DPY19L3: variants seen among roughly 807,000 people sequenced by gnomAD.
DPY19L3 encodes protein C-mannosyl-transferase DPY19L3.
In DPY19L3, 51 loss-of-function variants were observed where a neutral mutation model predicts 92.3. That is an observed-to-expected ratio of 0.55 (90% CI 0.44 to 0.70). DPY19L3 has a LOEUF of 0.70. Ranked by LOEUF, DPY19L3 falls within the 30% of genes least tolerant of loss-of-function variation. DPY19L3 has a pLI of 0.00. For missense variants in DPY19L3, 706 were observed against 855.9 expected, an observed-to-expected ratio of 0.82 and a Z score of 2.18; for synonymous variants, 309 against 315.2, an observed-to-expected ratio of 0.98 and a Z score of 0.21.
At chr19:32,465,014 A>G (rs988498930) in intron 15 of DPY19L3, among the ~76,000 whole-genome samples, 3 of 152,250 alleles carry the variant, frequency 2.0e-5, no homozygotes, top group African/African-American at 7.2e-5. Flanking sequence ...AATAATTCTA[A>G]TTAATTTTGA....
intron 8 of DPY19L3, among the ~76,000 whole-genome samples, chr19:32,445,545 A>G (rs1280009985): frequency 6.6e-6 from 1 of 151,920 alleles, no homozygotes; most frequent in East Asian, 1.9e-4. Flanking sequence ...AAGGAAACTA[A>G]TATTGCCAGC....
intron 2 of DPY19L3, among the ~76,000 whole-genome samples, chr19:32,410,099 A>G (rs1270385763): frequency 1.3e-5 from 2 of 152,234 alleles, no homozygotes; most frequent in African/African-American, 2.4e-5. Flanking sequence ...CCAAAACAGT[A>G]TTAGCATTTT....
At chr19:32,450,996 C>G (rs1207289564) in intron 8 of DPY19L3, among the ~76,000 whole-genome samples, 1 of 152,190 alleles carries the variant, frequency 6.6e-6, no homozygotes, top group Admixed American at 6.5e-5. Flanking sequence ...TGCCGCTCTT[C>G]TAGTGTGTAT....
intron 3 of DPY19L3, among the ~76,000 whole-genome samples, chr19:32,417,029 G>C (rs568229038): frequency 1.7e-4 from 26 of 152,246 alleles, no homozygotes; most frequent in African/African-American, 6.3e-4. Context: ...TTTCAGATGA[G>C]GTCTGAAGAA....
intron 7 of DPY19L3, 99 bp from the exon 8 acceptor site, chr19:32,439,677 T>A: frequency 8.1e-7 from 1 of 1,240,034 alleles, no homozygotes; most frequent in Non-Finnish European, 1.1e-6. Context: ...GGTTTTTCTG[T>A]TTGGTTTATA....
chr19:32,414,195 C>T (rs1049894928), intron 3 of DPY19L3, among the ~76,000 whole-genome samples: 5 of 151,878 alleles, frequency 3.3e-5, no homozygotes, highest in Non-Finnish European at 7.4e-5. Flanking sequence ...CCGTGGCGGG[C>T]GGATCACGAG....
At chr19:32,424,534 A>G (rs1190316842) in intron 3 of DPY19L3, among the ~76,000 whole-genome samples, 2 of 151,694 alleles carry the variant, frequency 1.3e-5, no homozygotes, top group African/African-American at 2.4e-5. Flanking sequence ...AGAGGGTGCA[A>G]TGGGATGATC....
Position 32,464,280 on chromosome 19 carries a change from G to C in DPY19L3, c.1557+300G>C, listed in dbSNP as rs150904910. Among the ~76,000 whole-genome samples the C allele has an allele frequency of 4.6e-3, 705 of 152,064 alleles. 1 individual carries two copies. The highest frequency in any genetic ancestry group is 0.01 in the Middle Eastern group (3 of 294). On this transcript the variant is annotated intron_variant, in intron 14 of 18. Transcript: ENST00000392250. ...AATCCCCTTGTCCGGAATTATAACT[G>C]TTGTTATTATAATGTATTTTCATAA...
chr19:32,463,488 G>C lies in DPY19L3; in HGVS notation c.1445G>C (p.Arg482Thr), dbSNP rs1279110048. 1 of 1,610,580 alleles carries C rather than the reference G, an allele frequency of 6.2e-7. No homozygotes were observed. Among genetic ancestry groups the C allele is most frequent in the Non-Finnish European group, 8.5e-7 (1 of 1,178,334 alleles). The change falls in exon 13 of 19, where the codon AGA becomes ACA. Residue 482 changes from arginine to threonine, a missense_variant and splice_region_variant. Arg to Thr is a moderately conservative substitution (Grantham distance 71). Transcript: ENST00000392250. The part of the protein sequence containing the change: ...LFGFLALSTM[R>T]MKYLWTSHMC... ...GGATTCTTGGCATTGAGTACAATGA[G>C]GTATTTTTGTCTTACCTGTTTGTTT...
chr19:32,474,770 TA>T, intron 16 of DPY19L3, among the ~76,000 whole-genome samples: 1 of 152,160 alleles, frequency 6.6e-6, no homozygotes, highest in South Asian at 2.1e-4. Context: ...TTTGTATTTT[TA>T]GTAGAGACAG....
At chr19:32,454,443 A>C (rs1031098984) in intron 9 of DPY19L3, among the ~76,000 whole-genome samples, 7 of 152,040 alleles carry the variant, frequency 4.6e-5, no homozygotes, top group African/African-American at 1.7e-4. Context: ...GTGTTGTGGC[A>C]GGCGCCTGTA....
At chr19:32,408,168 G>A (rs741441) in intron 1 of DPY19L3, 49 bp from the exon 2 acceptor site, 398,536 of 881,448 alleles carry the variant, frequency 0.45, 98,648 homozygotes, top group Non-Finnish European at 0.53. Context: ...AGCACGGGGT[G>A]TGTTGGGGAG....
intron 15 of DPY19L3, chr19:32,467,379 T>C: frequency 2.1e-6 from 2 of 952,524 alleles, no homozygotes; most frequent in Non-Finnish European, 2.5e-6. Context: ...TGGTATTCTA[T>C]TGGTTATCAA....
chr19:32,434,600 G>C (rs757145241), intron 4 of DPY19L3, among the ~76,000 whole-genome samples: 1 of 152,182 alleles, frequency 6.6e-6, no homozygotes. Flanking sequence ...TGGAGGTTGC[G>C]GTGAGCCGAG....
chr19:32,441,494 C>CTTTTTTTTTTTTTTTTTTT (rs11326098), intron 8 of DPY19L3, among the ~76,000 whole-genome samples: 2 of 130,212 alleles, frequency 1.5e-5, no homozygotes, highest in Non-Finnish European at 3.2e-5. Flanking sequence ...ACATGTGTCT[C>CTTTTTTTTTTTTTTTTTTT]TTTTTTTTTT....
At chr19:32,450,188 A>G (rs1021779993) in intron 8 of DPY19L3, among the ~76,000 whole-genome samples, 1 of 152,218 alleles carries the variant, frequency 6.6e-6, no homozygotes, top group Non-Finnish European at 1.5e-5. Context: ...ACAAGCAGAT[A>G]CCACTTTACA....
intron 1 of DPY19L3, among the ~76,000 whole-genome samples, chr19:32,407,011 T>C (rs1352932225): frequency 6.6e-6 from 1 of 152,010 alleles, no homozygotes; most frequent in African/African-American, 2.4e-5. Flanking sequence ...GCTTTTTTTT[T>C]TTTTTTTGGT....
chr19:32,438,985 T>C (rs1418857479), intron 6 of DPY19L3, 127 bp from the exon 7 acceptor site: 2 of 963,286 alleles, frequency 2.1e-6, no homozygotes, highest in East Asian at 2.4e-5. Context: ...AGGACAATTA[T>C]TGAGAACCAG....
chr19:32,461,863 A>T (rs1050571449), intron 12 of DPY19L3, among the ~76,000 whole-genome samples: 13 of 152,304 alleles, frequency 8.5e-5, no homozygotes, highest in Admixed American at 6.5e-4. Flanking sequence ...ATCAGTCTTA[A>T]CATCACTGAA....
Sources: allele counts gnomAD v4.1 joint callset (sites outside exome capture counted in the v4.1 genomes callset), GRCh38; gene constraint gnomAD v4.1.1; transcripts MANE v1.5; gene names NCBI Gene and HGNC (gene_info 2026-07-23, HGNC 2026-07-21).